FREM2: variants seen among roughly 807,000 people sequenced by gnomAD.
The protein encoded by FREM2 is FRAS1-related extracellular matrix protein 2.
FREM2 carries 119 observed loss-of-function variants against 219.9 expected under a neutral mutation model. That is an observed-to-expected ratio of 0.54 (90% CI 0.47 to 0.63). The LOEUF (loss-of-function observed/expected upper bound fraction) is 0.63. Among genes scored for constraint, FREM2 ranks in the 30% least tolerant of loss-of-function variants. The probability of loss-of-function intolerance (pLI) is 0.00; values close to 1 mark genes in which losing one functional copy is unlikely to be tolerated. For synonymous variants in FREM2, 1,562 were observed against 1,522.8 expected, an observed-to-expected ratio of 1.03 and a Z score of -0.60; for missense variants, 4,030 against 3,993.6, an observed-to-expected ratio of 1.01 and a Z score of -0.25.
intron 11 of FREM2, among the ~76,000 whole-genome samples, chr13:38,854,426 C>T (rs1460233155): frequency 6.6e-6 from 1 of 152,036 alleles, no homozygotes; most frequent in Non-Finnish European, 1.5e-5. Context: ...TGTCATTAAG[C>T]CAGCAAGCCC....
intron 6 of FREM2, among the ~76,000 whole-genome samples, chr13:38,843,567 C>G (rs182941164): frequency 8.5e-5 from 13 of 152,206 alleles, no homozygotes; most frequent in Admixed American, 7.9e-4. Context: ...ACAGTCACAT[C>G]TATTTATTAT....
chr13:38,831,076 A>G lies in FREM2; in HGVS notation c.6020-15497A>G, dbSNP rs527255174. Reference sequence around the variant, plus strand: ...GAAACAGTTTTATATACAATAGTTTAGGAAACTGTAAATTGCACCTCACTG... The same window carrying G: ...GAAACAGTTTTATATACAATAGTTTGGGAAACTGTAAATTGCACCTCACTG... On this transcript the variant is annotated intron_variant, in intron 6 of 23. Coordinates refer to ENST00000280481, the MANE Select transcript of FREM2 (RefSeq NM_207361.6). Among the ~76,000 whole-genome samples the G allele has an allele frequency of 2.6e-5, 4 of 152,318 alleles. No individual in the cohort carries two copies. The South Asian group carries it at 6.2e-4, about 24-fold the overall frequency.
At position 38,881,159 on chromosome 13, in the gene FREM2, A is replaced by T. The variant is rs1169611296; in HGVS notation, c.*372A>T. 1.3e-5 allele frequency: 4 copies of T among 303,996 alleles called. No homozygotes were observed. The highest frequency in any genetic ancestry group is 8.6e-5 in the African/African-American group (4 of 46,272). The allele number at this position is 303,996 out of a possible 1,614,324, so 18.8% of individuals were successfully genotyped here. On this transcript the variant is annotated 3_prime_UTR_variant, in exon 24 of 24. Transcript: ENST00000280481. ...ATCTACTGTTGCTATGTTAGTGTGA[A>T]TGTTGAAGGTGCAATTATCACATTG...
chr13:38,875,272 C>T (rs1244415048), intron 18 of FREM2, among the ~76,000 whole-genome samples: 1 of 151,692 alleles, frequency 6.6e-6, no homozygotes, highest in Non-Finnish European at 1.5e-5. Flanking sequence ...TTTCTGCCAG[C>T]TTATATTAGA....
At chr13:38,745,567 TC>T (rs1872433616) in intron 2 of FREM2, among the ~76,000 whole-genome samples, 2 of 152,230 alleles carry the variant, frequency 1.3e-5, no homozygotes, top group African/African-American at 4.8e-5. Context: ...TAAAATGTCC[TC>T]CTTTCTCCCC....
intron 6 of FREM2, among the ~76,000 whole-genome samples, chr13:38,842,949 CTT>C (rs1474746660): frequency 6.6e-6 from 1 of 152,168 alleles, no homozygotes; most frequent in Non-Finnish European, 1.5e-5. Context: ...CTAAAATAGA[CTT>C]TTCTGTAGTC....
intron 23 of FREM2, among the ~76,000 whole-genome samples, chr13:38,879,791 A>G (rs951212428): frequency 7.9e-5 from 12 of 152,212 alleles, no homozygotes; most frequent in African/African-American, 2.9e-4. Context: ...GACTCATCAG[A>G]AAATTCATCC....
rs1225741581 is a variant in FREM2, at chr13:38,880,779, G to C, written c.9502G>C (p.Glu3168Gln). The C allele has an allele frequency of 1.2e-6, 2 of 1,614,132 alleles. No individual in the cohort carries two copies. The highest frequency in any genetic ancestry group is 3.3e-5 in the Admixed American group (2 of 60,036). The change falls in exon 24 of 24, where the codon GAA becomes CAA. Residue 3168 changes from glutamate to glutamine, a missense_variant. Physicochemically the swap from Glu to Gln is conservative, Grantham distance 29 (BLOSUM62 2). Coordinates refer to ENST00000280481, the MANE Select transcript of FREM2 (RefSeq NM_207361.6). The stretch of plus-strand genomic sequence containing the variant: ...ACAGAGCCATCACAATGACAGCTCA[G>C]AAGTTTGATGACTGCAGGTAGAATT... The part of the protein sequence containing the change: ...PPQSHHNDSS[E>Q]V
intron 2 of FREM2, among the ~76,000 whole-genome samples, chr13:38,741,579 G>T (rs1252477671): frequency 1.3e-5 from 2 of 152,108 alleles, no homozygotes; most frequent in African/African-American, 4.8e-5. Context: ...GAATTAAGGT[G>T]GTAGAGACAC....
chr13:38,728,729 T>C (rs1871640251), intron 2 of FREM2, among the ~76,000 whole-genome samples: 1 of 152,182 alleles, frequency 6.6e-6, no homozygotes, highest in African/African-American at 2.4e-5. Flanking sequence ...GTTATTTTTA[T>C]GAATATATTC....
At chr13:38,723,695 A>G (rs1331783746) in intron 2 of FREM2, among the ~76,000 whole-genome samples, 2 of 152,218 alleles carry the variant, frequency 1.3e-5, no homozygotes, top group African/African-American at 4.8e-5. Context: ...CATGCATTGT[A>G]TGAAACAAAT....
Position 38,691,900 on chromosome 13 carries a change from T to C in FREM2, c.4556T>C (p.Phe1519Ser), listed in dbSNP as rs114005646. 1 of 1,614,162 alleles carries C rather than the reference T, an allele frequency of 6.2e-7. No individual in the cohort carries two copies. The highest frequency in any genetic ancestry group is 1.3e-5 in the African/African-American group (1 of 75,056). The change falls in exon 1 of 24, where the codon TTT becomes TCT. Residue 1519 changes from phenylalanine to serine, a missense_variant. This residue lies in a region of FREM2 where 3,102 missense variants were observed against 2,950.7 expected (regional missense o/e 1.05). Transcript: ENST00000280481. ...FQVTDGRNPVFRTFRISISDV... is the reference protein window; with the variant it reads ...FQVTDGRNPVSRTFRISISDV... ...GTCACCGATGGACGTAACCCTGTCT[T>C]TCGGACATTCCGTATCTCCATTAGC...
chr13:38,724,189 C>T (rs1871417060), intron 2 of FREM2, among the ~76,000 whole-genome samples: 1 of 152,138 alleles, frequency 6.6e-6, no homozygotes, highest in Non-Finnish European at 1.5e-5. Context: ...TACATTGGTA[C>T]AGCAAGGAGG....
Position 38,863,308 on chromosome 13 carries a change from C to A in FREM2, c.7652-967C>A, listed in dbSNP as rs900641420. Among the ~76,000 whole-genome samples the A allele has an allele frequency of 2.6e-5, 4 of 152,064 alleles. No individual in the cohort carries two copies. In the East Asian group the frequency reaches 5.8e-4, roughly 22 times the overall value. ...CAAGTGATCCACCTGCCTTGGCCTC[C>A]CAAAGTGCTGGGATTACAGATGTGA... On this transcript the variant is annotated intron_variant, in intron 15 of 23. Transcript: ENST00000280481.
rs888302091 is a variant in FREM2 at position 38,885,188 on chromosome 13, G to T, written c.*4401G>T. On this transcript the variant is annotated 3_prime_UTR_variant, in exon 24 of 24. Transcript: ENST00000280481. ...GATATTTTTCTATAGTTTCCATCAG[G>T]AAGAGTACATCAGAAACTTCTCCAT... 1.3e-5 allele frequency: 2 copies of T among 152,104 alleles called. No homozygotes were observed. Among genetic ancestry groups the T allele is most frequent in the African/African-American group, 4.8e-5 (2 of 41,444 alleles). 9.4% of individuals were successfully genotyped at this position (152,104 alleles called of 1,614,324 possible).
At chr13:38,850,736 C>T (rs1320700074) in intron 9 of FREM2, among the ~76,000 whole-genome samples, 1 of 152,194 alleles carries the variant, frequency 6.6e-6, no homozygotes, top group East Asian at 1.9e-4. Flanking sequence ...AGAAATTCCC[C>T]ATACGAATAA....
At chr13:38,704,720 A>T (rs1011122731) in intron 2 of FREM2, among the ~76,000 whole-genome samples, 2 of 152,224 alleles carry the variant, frequency 1.3e-5, no homozygotes, top group African/African-American at 2.4e-5. Flanking sequence ...TGGTCTAAAG[A>T]ACTACCTGAG....
At chr13:38,728,305 G>A (rs928112442) in intron 2 of FREM2, among the ~76,000 whole-genome samples, 1 of 152,094 alleles carries the variant, frequency 6.6e-6, no homozygotes, top group African/African-American at 2.4e-5. Flanking sequence ...AAACTCTAGG[G>A]CTGAGTATAC....
intron 6 of FREM2, among the ~76,000 whole-genome samples, chr13:38,816,335 G>C (rs1369953595): frequency 1.3e-5 from 2 of 152,058 alleles, no homozygotes; most frequent in African/African-American, 4.8e-5. Flanking sequence ...AATTCTTAAC[G>C]AGATGCTAGC....
Sources: gnomAD v4.1 joint callset for allele counts (sites outside exome capture counted in the v4.1 genomes callset) on GRCh38, gnomAD v4.1.1 for gene constraint, gnomAD v4.1.1 regional missense constraint, MANE v1.5 for transcripts, NCBI Gene and HGNC (gene_info 2026-07-23, HGNC 2026-07-21) for gene names.